PACS2: variants seen among roughly 807,000 people sequenced by gnomAD.
The protein encoded by PACS2 is PACS1-like protein.
A neutral mutation model predicts 113.0 loss-of-function variants in PACS2; 36 were observed. The ratio of observed to expected loss-of-function variants is 0.32; its 90% CI spans 0.24 to 0.42. PACS2 has a LOEUF of 0.42. Among genes scored for constraint, PACS2 ranks in the 10% least tolerant of loss-of-function variants. The pLI is 1.00. For synonymous variants in PACS2, 589 were observed against 536.1 expected, an observed-to-expected ratio of 1.10 and a Z score of -1.36; for missense variants, 1,015 against 1,239.5, an observed-to-expected ratio of 0.82 and a Z score of 2.72.
chr14:105,314,818 A>G lies in PACS2; in HGVS notation c.-101A>G, dbSNP rs1274334390. The G allele has an allele frequency of 3.1e-6, 1 of 323,810 alleles. No individual in the cohort carries two copies. Among genetic ancestry groups the G allele is most frequent in the African/African-American group, 2.3e-5 (1 of 43,222 alleles). The allele number at this position is 323,810 out of a possible 1,614,324, so 20.1% of individuals were successfully genotyped here. The stretch of plus-strand genomic sequence containing the variant: ...CCGTCCCCTCCGCCGCCCGGCAGCC[A>G]TGTGACCGCGCCGCCGCCCTCCGCG... On this transcript the variant is annotated 5_prime_UTR_variant, in exon 1 of 25. It removes an upstream start codon present in the reference 5' UTR. Coordinates refer to ENST00000447393, the MANE Select transcript of PACS2 (RefSeq NM_001100913.3).
At chr14:105,318,991 A>T (rs1341747765) in intron 1 of PACS2, among the ~76,000 whole-genome samples, 2 of 150,394 alleles carry the variant, frequency 1.3e-5, no homozygotes, top group African/African-American at 4.9e-5. Context: ...TCTGTCGCCC[A>T]GGCTGGAGTG....
Position 105,324,872 on chromosome 14 carries a change from C to T in PACS2, c.119+9835C>T, listed in dbSNP as rs1282123524. 2.0e-5 allele frequency among the ~76,000 whole-genome samples: 3 copies of T among 152,228 alleles called. No individual in the cohort carries two copies. Among genetic ancestry groups the T allele is most frequent in the East Asian group, 1.9e-4 (1 of 5,168 alleles). ...GCTGGGTCCCCTGGGGTGCAGATGCCGCTCAACAGAGGAGTCAGGACCCAA... is the reference window on the plus strand; with the variant it reads ...GCTGGGTCCCCTGGGGTGCAGATGCTGCTCAACAGAGGAGTCAGGACCCAA... On this transcript the variant is annotated intron_variant, in intron 1 of 24. Transcript: ENST00000447393. The surrounding 1 kb of genome is among the most constrained non-coding windows in gnomAD (Gnocchi z 4.7).
In PACS2 at chr14:105,394,862, T is replaced by C. The variant is rs139210391; in HGVS notation, c.*190T>C. 144 of 584,246 alleles carry C rather than the reference T, an allele frequency of 2.5e-4. 1 individual carries two copies. In the East Asian group the frequency reaches 2.9e-3, roughly 12 times the overall value. 36.2% of individuals were successfully genotyped at this position (584,246 alleles called of 1,614,324 possible). ...CCAGGAGCCGAATAACTGCTCTGCT[T>C]ATTAACCCGAACGTTCGGCCCGGGG... On this transcript the variant is annotated 3_prime_UTR_variant, in exon 25 of 25. Coordinates refer to ENST00000447393, the MANE Select transcript of PACS2 (RefSeq NM_001100913.3).
rs370122327 is a variant in PACS2 at position 105,394,564 on chromosome 14, C to T, written c.2607C>T (p.Asp869=). 2.4e-5 allele frequency: 38 copies of T among 1,612,740 alleles called. No homozygotes were observed. In the East Asian group the frequency reaches 5.3e-4, roughly 23 times the overall value. Residue 869 remains aspartate, a synonymous_variant, in exon 25 of 25, where the codon GAC becomes GAT. Transcript: ENST00000447393. Reference sequence around the variant, plus strand: ...AGCCCTCTCCCACAGTCCTCATCGACGGCGTGGAGTGCAGCGACGTCAAGT... The same window carrying T: ...AGCCCTCTCCCACAGTCCTCATCGATGGCGTGGAGTGCAGCGACGTCAAGT... ...QQQNMLRVLI[D]GVECSDVKFF...
intron 1 of PACS2, among the ~76,000 whole-genome samples, chr14:105,331,384 T>C (rs1412848672): frequency 1.3e-5 from 2 of 152,240 alleles, no homozygotes; most frequent in East Asian, 3.8e-4. Flanking sequence ...TGTTATTTCC[T>C]CCTCGGAAAT....
At position 105,376,506 on chromosome 14, in the gene PACS2, G is replaced by A. The variant is rs1330511282; in HGVS notation, c.802-262G>A. Reference sequence around the variant, plus strand: ...TCACCTGCCTGCACCCAGGCCCTCCGTGCACCCTGGCAGCCCAGATGACTG... The same window carrying A: ...TCACCTGCCTGCACCCAGGCCCTCCATGCACCCTGGCAGCCCAGATGACTG... On this transcript the variant is annotated intron_variant, in intron 8 of 24. Transcript: ENST00000447393. This position sits in a 1 kb window ranked among gnomAD's most constrained non-coding sequence, Gnocchi z 4.7. Among the ~76,000 whole-genome samples, 1 of 152,174 alleles carries A rather than the reference G, an allele frequency of 6.6e-6. No individual in the cohort carries two copies. The highest frequency in any genetic ancestry group is 1.5e-5 in the Non-Finnish European group (1 of 68,020).
Position 105,329,975 on chromosome 14 carries a change from T to C in PACS2, c.119+14938T>C, listed in dbSNP as rs60392471. 0.045 allele frequency among the ~76,000 whole-genome samples: 6,861 copies of C among 152,166 alleles called. 541 individuals carry two copies. Among genetic ancestry groups the C allele is most frequent in the African/African-American group, 0.16 (6,577 of 41,488 alleles). On this transcript the variant is annotated intron_variant, in intron 1 of 24. Transcript: ENST00000447393. This position sits in a 1 kb window ranked among gnomAD's most constrained non-coding sequence, Gnocchi z 6.4. Reference sequence around the variant, plus strand: ...GGCCGAGCCCCCAGCTGGGATGCCCTGGGAGGGTGCAGGGTGGGCTCTGGA... The same window carrying C: ...GGCCGAGCCCCCAGCTGGGATGCCCCGGGAGGGTGCAGGGTGGGCTCTGGA...
intron 1 of PACS2, among the ~76,000 whole-genome samples, chr14:105,341,494 G>A (rs1177407968): frequency 6.6e-6 from 1 of 152,196 alleles, no homozygotes; most frequent in Non-Finnish European, 1.5e-5. Context: ...GCTGCACGGT[G>A]TCCTGAACAC....
chr14:105,368,358 C>G, intron 6 of PACS2, 101 bp from the exon 7 acceptor site: 1 of 962,626 alleles, frequency 1.0e-6, no homozygotes, highest in Non-Finnish European at 1.7e-6. Context: ...CAGGTGGGCT[C>G]TCAGTGCCGG....
At chr14:105,327,568 G>C (rs1271466258) in intron 1 of PACS2, among the ~76,000 whole-genome samples, 2 of 152,220 alleles carry the variant, frequency 1.3e-5, no homozygotes, top group African/African-American at 4.8e-5. Context: ...CTGTGCTGGG[G>C]GCAGGGTGGT....
chr14:105,370,277 G>GC (rs2061102181), intron 8 of PACS2: 1 of 77,004 alleles, frequency 1.3e-5, no homozygotes, highest in Admixed American at 1.9e-4. Context: ...CCACCTGACA[G>GC]CCCCCCACTA....
Position 105,382,703 on chromosome 14 carries a change from C to T in PACS2, c.1519-104C>T, listed in dbSNP as rs587764659. On this transcript the variant is annotated intron_variant, in intron 14 of 24. Coordinates refer to ENST00000447393, the MANE Select transcript of PACS2 (RefSeq NM_001100913.3). ...AGCTGCTGGCTGTGGTTTGCCTGGACGTGCCTGGGGTCTCTGGAGCCCCTG... is the reference window on the plus strand; with the variant it reads ...AGCTGCTGGCTGTGGTTTGCCTGGATGTGCCTGGGGTCTCTGGAGCCCCTG... The T allele has an allele frequency of 4.5e-4, 432 of 952,544 alleles. 1 individual carries two copies. The South Asian group carries it at 5.5e-3, about 12-fold the overall frequency. The allele number at this position is 952,544 out of a possible 1,614,324, so 59.0% of individuals were successfully genotyped here.
At position 105,392,784 on chromosome 14, in the gene PACS2, C is replaced by T. The variant is rs190752624; in HGVS notation, c.2421C>T (p.Gly807=). Residue 807 remains glycine (G), a synonymous_variant, in exon 23 of 25, where the codon GGC becomes GGT. Transcript: ENST00000447393. ...AGGTCAGCAGGCTGCCCAGCAGCGGCGAGGCTGCAGCCACGCCCACCATGT... is the reference window on the plus strand; with the variant it reads ...AGGTCAGCAGGCTGCCCAGCAGCGGTGAGGCTGCAGCCACGCCCACCATGT... The part of the protein sequence containing the change: ...SLQVSRLPSS[G]EAAATPTMSM... 13 of 1,610,752 alleles carry T rather than the reference C, an allele frequency of 8.1e-6. No homozygotes were observed. Among genetic ancestry groups the T allele is most frequent in the Middle Eastern group, 1.7e-4 (1 of 6,056 alleles).
At chr14:105,303,498 C>T (rs2058094869) in intron 1 of PACS2, among the ~76,000 whole-genome samples, 1 of 152,216 alleles carries the variant, frequency 6.6e-6, no homozygotes, top group African/African-American at 2.4e-5. Context: ...CTGTCTCGCC[C>T]TCCCAAAGTG....
chr14:105,351,292 G>A (rs935923649), intron 2 of PACS2, among the ~76,000 whole-genome samples: 16 of 152,222 alleles, frequency 1.1e-4, no homozygotes, highest in African/African-American at 3.9e-4. Context: ...TTGATATAAA[G>A]TTTGCGGTTG....
chr14:105,360,704 A>ATT (rs1555406279), intron 4 of PACS2, among the ~76,000 whole-genome samples: 14 of 152,256 alleles, frequency 9.2e-5, no homozygotes, highest in Non-Finnish European at 1.9e-4. Context: ...TAAATAAAAC[A>ATT]AGAAAGAAGT....
Position 105,397,618 on chromosome 14 carries a change from G to A in PACS2, c.*2946G>A, listed in dbSNP as rs2081563471. On this transcript the variant is annotated 3_prime_UTR_variant, in exon 25 of 25. Coordinates refer to ENST00000447393, the MANE Select transcript of PACS2 (RefSeq NM_001100913.3). The stretch of plus-strand genomic sequence containing the variant: ...TTCCATGTTGGTCCCCTTGGCCACT[G>A]TCTCTGGGCATGCAAGCCAGTGTCC... The A allele has an allele frequency of 6.6e-6, 1 of 152,532 alleles. No homozygotes were observed. Among genetic ancestry groups the A allele is most frequent in the Non-Finnish European group, 1.5e-5 (1 of 68,270 alleles). 9.4% of individuals were successfully genotyped at this position (152,532 alleles called of 1,614,324 possible).
At chr14:105,301,504 G>C (rs2058025751) in intron 1 of PACS2, among the ~76,000 whole-genome samples, 1 of 152,004 alleles carries the variant, frequency 6.6e-6, no homozygotes, top group South Asian at 2.1e-4. Context: ...GGCTCTGGGA[G>C]TGGTGGGCGG....
intron 3 of PACS2, among the ~76,000 whole-genome samples, 186 bp downstream of exon 3, chr14:105,352,653 AC>A (rs2060231431): frequency 1.3e-5 from 1 of 74,188 alleles, no homozygotes; most frequent in African/African-American, 5.5e-5. Flanking sequence ...GGAGACGGGC[AC>A]CCCTCATCAC....
Sources: gnomAD v4.1 joint callset for allele counts (sites outside exome capture counted in the v4.1 genomes callset) on GRCh38, gnomAD v4.1.1 for gene constraint, Gnocchi (gnomAD v3.1) non-coding constraint, MANE v1.5 for transcripts, NCBI Gene and HGNC (gene_info 2026-07-23, HGNC 2026-07-21) for gene names.